Variants in ITPR3 observed in about 807,000 individuals in gnomAD.
ITPR3 encodes inositol 1,4,5-trisphosphate-gated calcium channel ITPR3.
ITPR3 carries 173 observed loss-of-function variants against 293.2 expected under a neutral mutation model. That is an observed-to-expected ratio of 0.59 (90% CI 0.52 to 0.67). The LOEUF is 0.67. Ranked by LOEUF, ITPR3 falls within the 30% of genes least tolerant of loss-of-function variation. The pLI, the probability that ITPR3 is intolerant of heterozygous loss-of-function variation, is 0.00. For synonymous variants in ITPR3, 1,295 were observed against 1,444.4 expected (o/e 0.90, Z 2.35); for missense variants, 2,796 against 3,592.1 (o/e 0.78, Z 5.66).
At chr6:33,626,656 G>T (rs1039886823) in intron 1 of ITPR3, among the ~76,000 whole-genome samples, 2 of 152,196 alleles carry the variant, frequency 1.3e-5, no homozygotes, top group Non-Finnish European at 2.9e-5. Context: ...CAGAATCAGT[G>T]GTACCCAAGG....
chr6:33,676,642 C>A, intron 25 of ITPR3, 126 bp from the exon 26 acceptor site: 1 of 1,134,546 alleles, frequency 8.8e-7, no homozygotes, highest in Non-Finnish European at 1.3e-6. Context: ...TGGGAATCGG[C>A]TCGGTGGAGA....
At chr6:33,681,633 A>G (rs1765079668) in intron 33 of ITPR3, among the ~76,000 whole-genome samples, 3 of 152,152 alleles carry the variant, frequency 2.0e-5, no homozygotes, top group African/African-American at 7.2e-5. Flanking sequence ...CTGGAAGGAT[A>G]CAAAAGAAAC....
intron 3 of ITPR3, 129 bp from the exon 4 acceptor site, chr6:33,657,803 A>G: frequency 1.4e-6 from 1 of 705,818 alleles, no homozygotes; most frequent in Non-Finnish European, 2.4e-6. Context: ...GGGGTCCTGG[A>G]GTCCAGGGTG....
chr6:33,686,213 C>A lies in ITPR3; in HGVS notation c.5828C>A (p.Thr1943Asn). 6.2e-7 allele frequency: 1 copy of A among 1,614,002 alleles called. No homozygotes were observed. The highest frequency in any genetic ancestry group is 8.5e-7 in the Non-Finnish European group (1 of 1,180,010). ...NVGLVIQTLE[T>N]LTEYCQGPCH... ...GGCCTCGTCATCCAGACCTTGGAGA[C>A]CCTCACTGAGTACTGCCAGGGCCCC... Residue 1943 changes from threonine (T) to asparagine (N), a missense_variant, in exon 42 of 58, where the codon ACC becomes AAC. Thr to Asn is a moderately conservative substitution (Grantham distance 65). Coordinates refer to ENST00000605930, the MANE Select transcript of ITPR3 (RefSeq NM_002224.4).
intron 7 of ITPR3, 105 bp from the exon 8 acceptor site, chr6:33,662,423 C>A: frequency 7.4e-7 from 1 of 1,359,016 alleles, no homozygotes; most frequent in Non-Finnish European, 9.9e-7. Flanking sequence ...AAGAGGGGCC[C>A]TGCCAGCAGC....
intron 56 of ITPR3, 35 bp from the exon 57 acceptor site, chr6:33,694,889 C>G: frequency 1.2e-6 from 2 of 1,613,820 alleles, no homozygotes; most frequent in South Asian, 1.1e-5. Flanking sequence ...TAGGCCGGGC[C>G]CACGCCTGCT....
At chr6:33,663,634 A>AG in intron 10 of ITPR3, 84 bp downstream of exon 10, 1 of 1,605,708 alleles carries the variant, frequency 6.2e-7, no homozygotes, top group Non-Finnish European at 8.5e-7. Context: ...AAAACCTGGG[A>AG]GGTGGGCTGG....
In ITPR3 at chr6:33,675,684, C is replaced by G; in HGVS notation, c.3117-7C>G. The stretch of plus-strand genomic sequence containing the variant: ...CACCCATGCGCCCTGCACCCTTGTG[C>G]CCGCAGGAAGACAAGCAGCATGCTG... On this transcript the variant is annotated splice_region_variant and splice_polypyrimidine_tract_variant and intron_variant, in intron 24 of 57. Transcript: ENST00000605930. This position sits in a 1 kb window ranked among gnomAD's most constrained non-coding sequence, Gnocchi z 5.0. 6.3e-7 allele frequency: 1 copy of G among 1,591,840 alleles called. No homozygotes were observed. Among genetic ancestry groups the G allele is most frequent in the South Asian group, 1.1e-5 (1 of 87,012 alleles).
intron 1 of ITPR3, among the ~76,000 whole-genome samples, chr6:33,636,697 G>A (rs1306694900): frequency 6.6e-6 from 1 of 152,006 alleles, no homozygotes; most frequent in Non-Finnish European, 1.5e-5. Context: ...CGATGTCTGT[G>A]GACACCCAAG....
intron 3 of ITPR3, among the ~76,000 whole-genome samples, chr6:33,657,713 G>A (rs1307699382): frequency 6.6e-6 from 1 of 151,958 alleles, no homozygotes; most frequent in Non-Finnish European, 1.5e-5. Context: ...GGCTGTGTGT[G>A]CTGTGAGACC....
chr6:33,689,105 A>C, intron 49 of ITPR3, 133 bp from the exon 50 acceptor site: 2 of 1,039,940 alleles, frequency 1.9e-6, no homozygotes, highest in Admixed American at 2.2e-5. Context: ...GTAATGGAGG[A>C]GGCTAAAACC....
Position 33,685,528 on chromosome 6 carries a change from C to G in ITPR3, c.5477C>G (p.Thr1826Ser). 1 of 1,613,300 alleles carries G rather than the reference C, an allele frequency of 6.2e-7. No individual in the cohort carries two copies. Residue 1826 changes from threonine to serine, a missense_variant, in exon 40 of 58, where the codon ACC (threonine) becomes AGC (serine). This residue lies in a region of ITPR3 where 704 missense variants were observed against 797.5 expected (regional missense o/e 0.88). Transcript: ENST00000605930. ...HEDREPVDPT[T>S]KGRVASFSIP... ...GACCGCGAGCCAGTCGACCCCACCA[C>G]CAAAGGTCAGGGGTCTGAGGCAGAG...
Position 33,679,802 on chromosome 6 carries a change from CTCCCTGGTAA to C in ITPR3, c.3973-79_3973-70del. 1 of 1,517,302 alleles carries C rather than the reference CTCCCTGGTAA, an allele frequency of 6.6e-7. No homozygotes were observed. The highest frequency in any genetic ancestry group is 8.9e-7 in the Non-Finnish European group (1 of 1,125,814). 94.0% of individuals were successfully genotyped at this position (1,517,302 alleles called of 1,614,324 possible). On this transcript the variant is annotated intron_variant, in intron 30 of 57. Coordinates refer to ENST00000605930, the MANE Select transcript of ITPR3 (RefSeq NM_002224.4). The surrounding 1 kb of genome is among the most constrained non-coding windows in gnomAD (Gnocchi z 4.2). ...AGGGCTGTGGTCAGAGTCCCAGTTTCTCCCTGGTAAGCAACGGAGAGGAGAGCCCAGGGCT... is the reference window on the plus strand; with the variant it reads ...AGGGCTGTGGTCAGAGTCCCAGTTTCGCAACGGAGAGGAGAGCCCAGGGCT...
At chr6:33,677,178 G>A (rs1431725651) in intron 27 of ITPR3, 89 bp downstream of exon 27, 2 of 1,212,444 alleles carry the variant, frequency 1.6e-6, no homozygotes, top group South Asian at 2.5e-5. Flanking sequence ...GCCTCTCCCT[G>A]TGCTGGCCAC....
chr6:33,695,010 T>A lies in ITPR3; in HGVS notation c.7872T>A (p.Ile2624=). ...AGGGGGAGCAGAATGAGATTCGGAT[T>A]CTCCAGGACAAGCTCAACTCCACCA... The part of the protein sequence containing the change: ...EGEGEQNEIR[I]LQDKLNSTMK... Residue 2624 remains isoleucine, a synonymous_variant, in exon 57 of 58, where the codon ATT becomes ATA. Transcript: ENST00000605930. 6.2e-7 allele frequency: 1 copy of A among 1,613,988 alleles called. No individual in the cohort carries two copies. The highest frequency in any genetic ancestry group is 8.5e-7 in the Non-Finnish European group (1 of 1,179,970).
At chr6:33,686,873 G>T in intron 43 of ITPR3, 136 bp from the exon 44 acceptor site, 1 of 718,392 alleles carries the variant, frequency 1.4e-6, no homozygotes, top group Non-Finnish European at 2.4e-6. Flanking sequence ...TAAGCCGGGG[G>T]GAGGGAGGAT....
intron 6 of ITPR3, 74 bp downstream of exon 6, chr6:33,659,193 C>A: frequency 7.3e-7 from 1 of 1,365,906 alleles, no homozygotes; most frequent in Non-Finnish European, 1.0e-6. Context: ...ACCCCGCTCC[C>A]TGCCATGGTC....
intron 2 of ITPR3, among the ~76,000 whole-genome samples, chr6:33,644,791 G>A (rs959316422): frequency 6.0e-5 from 9 of 150,300 alleles, no homozygotes; most frequent in African/African-American, 2.0e-4. Flanking sequence ...AGCCTCCCAA[G>A]TAGCTGAGAT....
At chr6:33,663,396 C>T (rs1314016879) in intron 9 of ITPR3, 104 bp from the exon 10 acceptor site, 23 of 1,182,180 alleles carry the variant, frequency 1.9e-5, no homozygotes, top group Non-Finnish European at 2.7e-5. Flanking sequence ...TGCAGCCTGC[C>T]TGCCCAAACC....
Sources: allele counts gnomAD v4.1 joint callset (sites outside exome capture counted in the v4.1 genomes callset), GRCh38; gene constraint gnomAD v4.1.1; regional missense constraint gnomAD v4.1.1; non-coding constraint Gnocchi (gnomAD v3.1); transcripts MANE v1.5; gene names NCBI Gene and HGNC (gene_info 2026-07-23, HGNC 2026-07-21).